The following PHLPP1 variants were observed in gnomAD, a reference collection of about 807,000 sequenced individuals.
The protein encoded by PHLPP1 is PH domain leucine-rich repeat-containing protein phosphatase 1.
Under a neutral mutation model 117.2 loss-of-function variants are expected in PHLPP1, and 42 were observed. That is an observed-to-expected ratio of 0.36 (90% CI 0.28 to 0.46). The LOEUF (loss-of-function observed/expected upper bound fraction) is 0.46. Among genes scored for constraint, PHLPP1 ranks in the 20% least tolerant of loss-of-function variants. The pLI is 1.00. For synonymous variants in PHLPP1, 1,042 were observed against 970.7 expected, an observed-to-expected ratio of 1.07 and a Z score of -1.37; for missense variants, 2,084 against 2,241.9, an observed-to-expected ratio of 0.93 and a Z score of 1.42.
At chr18:62,868,561 G>T (rs1311172103) in intron 4 of PHLPP1, among the ~76,000 whole-genome samples, 1 of 150,820 alleles carries the variant, frequency 6.6e-6, no homozygotes, top group East Asian at 1.9e-4. Flanking sequence ...GGCAGAGGTT[G>T]CAGTGAGCTG....
chr18:62,728,948 G>T, intron 1 of PHLPP1, among the ~76,000 whole-genome samples: 1 of 152,052 alleles, frequency 6.6e-6, no homozygotes, highest in African/African-American at 2.4e-5. Flanking sequence ...GACAGTTCTT[G>T]ATTACAGGAA....
At chr18:62,858,231 C>G (rs184490823) in intron 3 of PHLPP1, among the ~76,000 whole-genome samples, 2 of 150,906 alleles carry the variant, frequency 1.3e-5, no homozygotes, top group South Asian at 2.1e-4. Flanking sequence ...ACAGTAGTTT[C>G]TCCTAAGCTC....
intron 1 of PHLPP1, among the ~76,000 whole-genome samples, chr18:62,740,249 A>G (rs1353324611): frequency 1.3e-5 from 2 of 152,122 alleles, no homozygotes; most frequent in African/African-American, 4.8e-5. Flanking sequence ...CCAAGCTGGG[A>G]TTGTGCTTTC....
At chr18:62,733,143 G>A (rs1911272708) in intron 1 of PHLPP1, among the ~76,000 whole-genome samples, 6 of 152,178 alleles carry the variant, frequency 3.9e-5, no homozygotes, top group Admixed American at 3.9e-4. Context: ...TGCTATCAAA[G>A]AGAAATCTTT....
chr18:62,736,617 C>T (rs191929571), intron 1 of PHLPP1, among the ~76,000 whole-genome samples: 4 of 152,040 alleles, frequency 2.6e-5, no homozygotes, highest in Admixed American at 2.6e-4. Flanking sequence ...TAGGAGTTGG[C>T]GACATAATGA....
At chr18:62,944,621 A>T (rs1910222194) in intron 11 of PHLPP1, among the ~76,000 whole-genome samples, 1 of 152,156 alleles carries the variant, frequency 6.6e-6, no homozygotes, top group South Asian at 2.1e-4. Flanking sequence ...ATGTCAGAGG[A>T]GTTGGGGGAG....
intron 1 of PHLPP1, among the ~76,000 whole-genome samples, chr18:62,786,938 G>A (rs1466993389): frequency 6.6e-6 from 1 of 152,202 alleles, no homozygotes; most frequent in Non-Finnish European, 1.5e-5. Context: ...AATATAAAAT[G>A]TTTAAGGTAA....
At chr18:62,972,307 G>T (rs1911073643) in intron 14 of PHLPP1, among the ~76,000 whole-genome samples, 1 of 152,240 alleles carries the variant, frequency 6.6e-6, no homozygotes, top group Non-Finnish European at 1.5e-5. Context: ...AGGAAGGCAT[G>T]TGTGAAGCAT....
intron 13 of PHLPP1, among the ~76,000 whole-genome samples, chr18:62,962,588 C>A (rs1490889831): frequency 6.6e-6 from 1 of 152,164 alleles, no homozygotes; most frequent in Non-Finnish European, 1.5e-5. Context: ...GGATTACAGG[C>A]GTGAGCCACC....
Position 62,729,346 on chromosome 18 carries a change from A to G in PHLPP1, c.1576+12087A>G, listed in dbSNP as rs1246172118. Among the ~76,000 whole-genome samples the G allele has an allele frequency of 5.3e-5, 8 of 152,160 alleles. No homozygotes were observed. In the East Asian group the frequency reaches 9.6e-4, roughly 18 times the overall value. On this transcript the variant is annotated intron_variant, in intron 1 of 16. Coordinates refer to ENST00000262719, the MANE Select transcript of PHLPP1 (RefSeq NM_194449.4). ...CAAATCACCTTTGCTGTAGTTGACT[A>G]TAGGCTTTTTAATACATGAACACTT...
intron 16 of PHLPP1, among the ~76,000 whole-genome samples, chr18:62,976,105 C>G (rs1334514304): frequency 6.6e-6 from 1 of 152,202 alleles, no homozygotes; most frequent in African/African-American, 2.4e-5. Context: ...TATTTTGGTT[C>G]ATACCTCATG....
rs567656705 is a variant in PHLPP1 at position 62,970,721 on chromosome 18, C to T, written c.3561-1793C>T. 3.1e-4 allele frequency among the ~76,000 whole-genome samples: 47 copies of T among 152,198 alleles called. No individual in the cohort carries two copies. The East Asian group carries it at 7.9e-3, about 26-fold the overall frequency. On this transcript the variant is annotated intron_variant, in intron 14 of 16. Transcript: ENST00000262719. Reference sequence around the variant, plus strand: ...CAGAGATTGCAGTGAACCAAGATCACACCACTGCACTCCAGCCTGTGTGAC... The same window carrying T: ...CAGAGATTGCAGTGAACCAAGATCATACCACTGCACTCCAGCCTGTGTGAC...
intron 1 of PHLPP1, among the ~76,000 whole-genome samples, chr18:62,749,909 A>T (rs1265468301): frequency 2.0e-5 from 3 of 152,226 alleles, no homozygotes; most frequent in Admixed American, 2.0e-4. Flanking sequence ...CTAGCTACTC[A>T]GGAGGCTGAG....
At chr18:62,731,786 A>C (rs976224625) in intron 1 of PHLPP1, among the ~76,000 whole-genome samples, 1 of 152,266 alleles carries the variant, frequency 6.6e-6, no homozygotes, top group African/African-American at 2.4e-5. Flanking sequence ...GAATTGTAAG[A>C]AGGCAAAACA....
At chr18:62,970,662 G>A (rs1469532715) in intron 14 of PHLPP1, among the ~76,000 whole-genome samples, 1 of 152,162 alleles carries the variant, frequency 6.6e-6, no homozygotes, top group East Asian at 1.9e-4. Flanking sequence ...CTACTCAGGA[G>A]GCTGAGGGAG....
intron 4 of PHLPP1, among the ~76,000 whole-genome samples, chr18:62,871,060 G>A (rs1453059168): frequency 6.6e-6 from 1 of 152,082 alleles, no homozygotes; most frequent in African/African-American, 2.4e-5. Context: ...ATCTCTAGAT[G>A]ACTCAGATAG....
At chr18:62,966,506 C>T (rs552694015) in intron 14 of PHLPP1, among the ~76,000 whole-genome samples, 15 of 133,924 alleles carry the variant, frequency 1.1e-4, no homozygotes, top group Admixed American at 6.7e-4. Context: ...AGTCTTGTGC[C>T]GTTGCCCAGG....
rs1007114217 is a variant in PHLPP1 at position 62,896,066 on chromosome 18, G to T, written c.2444+55G>T. 1.2e-5 allele frequency: 13 copies of T among 1,078,134 alleles called. No individual in the cohort carries two copies. The African/African-American group carries it at 1.9e-4, about 16-fold the overall frequency. 66.8% of individuals were successfully genotyped at this position (1,078,134 alleles called of 1,614,324 possible). On this transcript the variant is annotated intron_variant, in intron 6 of 16. Coordinates refer to ENST00000262719, the MANE Select transcript of PHLPP1 (RefSeq NM_194449.4). ...TGAGTGGCTGGCTTATATTGCAGGG[G>T]TGGGGAGTAGGTTATTAACCAAGGC...
intron 1 of PHLPP1, among the ~76,000 whole-genome samples, chr18:62,723,324 T>C (rs1373809570): frequency 6.6e-6 from 1 of 152,252 alleles, no homozygotes; most frequent in Admixed American, 6.5e-5. Flanking sequence ...AAAAGTAAAT[T>C]AGCCTTGCTT....
Sources: allele counts gnomAD v4.1 joint callset (sites outside exome capture counted in the v4.1 genomes callset), GRCh38; gene constraint gnomAD v4.1.1; transcripts MANE v1.5; gene names NCBI Gene and HGNC (gene_info 2026-07-23, HGNC 2026-07-21).